OR4D2: variants seen among roughly 807,000 people sequenced by gnomAD.
OR4D2 encodes olfactory receptor 4D2.
OR4D2 carries 9 observed loss-of-function variants against 12.4 expected under a neutral mutation model. That is an observed-to-expected ratio of 0.73 (90% CI 0.44 to 1.27). The LOEUF (loss-of-function observed/expected upper bound fraction) is 1.27, where lower values mean the gene tolerates loss of function less well. OR4D2 is among the 50% of genes most tolerant of loss of function. OR4D2 has a pLI of 0.00. For missense variants in OR4D2, 373 were observed against 381.6 expected (o/e 0.98, Z 0.19); for synonymous variants, 151 against 151.1 (o/e 1.00, Z 0.01).
intron 1 of OR4D2, 120 bp from the exon 2 acceptor site, chr17:58,169,518 T>C (rs1967931414): frequency 7.1e-6 from 5 of 706,882 alleles, no homozygotes; most frequent in Middle Eastern, 8.1e-4. Flanking sequence ...GCACCTAGTA[T>C]AATGGTCTAC....
In OR4D2 at chr17:58,169,900, T is replaced by A. The variant is rs1967938753; in HGVS notation, c.245T>A (p.Leu82Gln). The A allele has an allele frequency of 6.2e-7, 1 of 1,614,162 alleles. No homozygotes were observed. ...CFSSVTAPKM[L>Q]VDLLSEKKTI... is the part of the protein sequence containing the mutation. ...TCTTCAGTCACTGCTCCCAAAATGC[T>A]AGTGGACCTCCTCTCTGAGAAGAAA... The change falls in exon 2 of 2, where the codon CTA becomes CAA. Residue 82 changes from leucine (L) to glutamine (Q), a missense_variant. Coordinates refer to ENST00000545221, the MANE Select transcript of OR4D2 (RefSeq NM_001004707.4).
intron 1 of OR4D2, among the ~76,000 whole-genome samples, chr17:58,168,020 A>AAAG (rs1249868565): frequency 6.7e-6 from 1 of 148,410 alleles, no homozygotes; most frequent in Non-Finnish European, 1.5e-5. Context: ...AAAAAAAAAA[A>AAAG]AAGAAGGTGT....
rs543116097 is a variant in OR4D2, at chr17:58,169,433, A to T, written c.-18-205A>T. 10 of 583,648 alleles carry T rather than the reference A, an allele frequency of 1.7e-5. 1 individual carries two copies. The South Asian group carries it at 2.1e-4, about 12-fold the overall frequency. The allele number at this position is 583,648 out of a possible 1,614,324, so 36.2% of individuals were successfully genotyped here. ...TGAATCTTTGAAAGGCAGGTTGTAT[A>T]TACTTCTGGATGGCGTTAAGATTTC... is the stretch of plus-strand genomic sequence containing the variant. On this transcript the variant is annotated intron_variant, in intron 1 of 1. Transcript: ENST00000545221.
Position 58,167,034 on chromosome 17 carries a change from C to T in OR4D2, c.-38C>T, listed in dbSNP as rs554904840. 1 of 152,356 alleles carries T rather than the reference C, an allele frequency of 6.6e-6. No individual in the cohort carries two copies. Among genetic ancestry groups the T allele is most frequent in the East Asian group, 1.9e-4 (1 of 5,184 alleles). The allele number at this position is 152,356 out of a possible 1,614,324, so 9.4% of individuals were successfully genotyped here. A position where few individuals can be genotyped will look rare whatever the true frequency, so the allele number is the denominator to read the frequency against. On this transcript the variant is annotated 5_prime_UTR_variant, in exon 1 of 2. Coordinates refer to ENST00000545221, the MANE Select transcript of OR4D2 (RefSeq NM_001004707.4). ...CTATGAGACTTAGAGGGAGGATGCTCACAGCAAAGGACATCAACGGTGAGG... is the reference window on the plus strand; with the variant it reads ...CTATGAGACTTAGAGGGAGGATGCTTACAGCAAAGGACATCAACGGTGAGG...
Position 58,170,410 on chromosome 17 carries a change from T to C in OR4D2, c.755T>C (p.Val252Ala). Residue 252 changes from valine (V) to alanine (A), a missense_variant, in exon 2 of 2, where the codon GTT becomes GCT. Transcript: ENST00000545221. The stretch of plus-strand genomic sequence containing the variant: ...ATCATCGTGGTTTCCATGATCTTCG[T>C]TCCAAGCATTTACCTCTATGCCCGG... ...THIIVVSMIF[V>A]PSIYLYARPF... The C allele has an allele frequency of 6.2e-7, 1 of 1,614,180 alleles. No individual in the cohort carries two copies. The highest frequency in any genetic ancestry group is 8.5e-7 in the Non-Finnish European group (1 of 1,180,024).
chr17:58,168,565 A>T (rs1189174608), intron 1 of OR4D2, among the ~76,000 whole-genome samples: 3 of 151,400 alleles, frequency 2.0e-5, no homozygotes, highest in African/African-American at 7.3e-5. Flanking sequence ...GCACTTTTCC[A>T]CTTCCTTTAC....
In OR4D2 at chr17:58,170,763, T is replaced by C; in HGVS notation, c.*184T>C. The C allele has an allele frequency of 1.6e-6, 1 of 607,636 alleles. No homozygotes were observed. The highest frequency in any genetic ancestry group is 2.9e-6 in the Non-Finnish European group (1 of 341,840). The allele number at this position is 607,636 out of a possible 1,614,324, so 37.6% of individuals were successfully genotyped here. ...TATCCTCTTTGGTGGTTAAGGTTTGTGATAAAGAGTTTTAACACACTCGCA... is the reference window on the plus strand; with the variant it reads ...TATCCTCTTTGGTGGTTAAGGTTTGCGATAAAGAGTTTTAACACACTCGCA... On this transcript the variant is annotated 3_prime_UTR_variant, in exon 2 of 2. Coordinates refer to ENST00000545221, the MANE Select transcript of OR4D2 (RefSeq NM_001004707.4).
In OR4D2 at chr17:58,170,431, C is replaced by T. The variant is rs890293754; in HGVS notation, c.776C>T (p.Ala259Val). The stretch of plus-strand genomic sequence containing the variant: ...TTCGTTCCAAGCATTTACCTCTATG[C>T]CCGGCCCTTCACTCCATTCCCTATG... ...MIFVPSIYLY[A>V]RPFTPFPMDK... The change falls in exon 2 of 2, where the codon GCC (alanine) becomes GTC (valine). Residue 259 changes from alanine to valine, a missense_variant. Physicochemically the swap from Ala to Val is moderately conservative, Grantham distance 64. Coordinates refer to ENST00000545221, the MANE Select transcript of OR4D2 (RefSeq NM_001004707.4). The T allele has an allele frequency of 4.3e-6, 7 of 1,614,098 alleles. No homozygotes were observed. Among genetic ancestry groups the T allele is most frequent in the Non-Finnish European group, 4.2e-6 (5 of 1,180,042 alleles).
At chr17:58,169,612 C>T in intron 1 of OR4D2, 26 bp from the exon 2 acceptor site, 1 of 1,494,582 alleles carries the variant, frequency 6.7e-7, no homozygotes, top group African/African-American at 1.4e-5. Flanking sequence ...CTTCATGTAT[C>T]TGTGTCTGTG....
rs542726494 is a variant in OR4D2 at position 58,169,968 on chromosome 17, C to T, written c.313C>T (p.His105Tyr). The change falls in exon 2 of 2, where the codon CAC (histidine) becomes TAC (tyrosine). Residue 105 changes from histidine to tyrosine, a missense_variant. His to Tyr is a moderately conservative substitution (Grantham distance 83). Coordinates refer to ENST00000545221, the MANE Select transcript of OR4D2 (RefSeq NM_001004707.4). ...CTGCATGGGTCAGATCTTCTTCTTC[C>T]ACTTTTTGGGAGGTGCCATGGTCTT... is the stretch of plus-strand genomic sequence containing the variant. ...QGCMGQIFFF[H>Y]FLGGAMVFFL... 6.2e-7 allele frequency: 1 copy of T among 1,614,074 alleles called. No individual in the cohort carries two copies. Among genetic ancestry groups the T allele is most frequent in the East Asian group, 2.2e-5 (1 of 44,878 alleles).
chr17:58,169,572 G>GC, intron 1 of OR4D2, 66 bp from the exon 2 acceptor site: 1 of 1,103,194 alleles, frequency 9.1e-7, no homozygotes, highest in South Asian at 1.3e-5. Flanking sequence ...TTGGTTCTGA[G>GC]CCCCTGAGCC....
Position 58,170,264 on chromosome 17 carries a change from T to G in OR4D2, c.609T>G (p.Ser203Arg). 6.2e-7 allele frequency: 1 copy of G among 1,614,122 alleles called. No individual in the cohort carries two copies. Among genetic ancestry groups the G allele is most frequent in the South Asian group, 1.1e-5 (1 of 91,080 alleles). ...TGGAGTTCCTCAAGATCTCCAACAG[T>G]GGGCTGCTGGATGTCGTCTGGTTCT... ...SLLEFLKISN[S>R]GLLDVVWFFL... The change falls in exon 2 of 2, where the codon AGT becomes AGG. Residue 203 changes from serine (S) to arginine (R), a missense_variant. Physicochemically the swap from Ser to Arg is moderately radical, Grantham distance 110. Transcript: ENST00000545221.
At position 58,170,157 on chromosome 17, in the gene OR4D2, T is replaced by G. The variant is rs1967945016; in HGVS notation, c.502T>G (p.Phe168Val). 1 of 1,614,174 alleles carries G rather than the reference T, an allele frequency of 6.2e-7. No individual in the cohort carries two copies. The highest frequency in any genetic ancestry group is 8.5e-7 in the Non-Finnish European group (1 of 1,180,026). Residue 168 changes from phenylalanine to valine, a missense_variant, in exon 2 of 2, where the codon TTC becomes GTC. Transcript: ENST00000545221. ...GCTGGCTCTGATGCTCCCACTGCCC[T>G]TCTGTGGCCCCAACATTTTGGATAA... Reference protein sequence around the residue: ...VQLALMLPLPFCGPNILDNFY... With the variant: ...VQLALMLPLPVCGPNILDNFY...
chr17:58,170,177 G>A lies in OR4D2; in HGVS notation c.522G>A (p.Leu174=). The A allele has an allele frequency of 6.2e-7, 1 of 1,614,144 alleles. No homozygotes were observed. The highest frequency in any genetic ancestry group is 8.5e-7 in the Non-Finnish European group (1 of 1,180,038). The part of the protein sequence containing the change: ...LPLPFCGPNI[L]DNFYCDVPQV... ...TGCCCTTCTGTGGCCCCAACATTTT[G>A]GATAACTTCTACTGTGATGTTCCCC... Residue 174 remains leucine, a synonymous_variant, in exon 2 of 2, where the codon TTG becomes TTA. Transcript: ENST00000545221.
At position 58,169,806 on chromosome 17, in the gene OR4D2, T is replaced by A. The variant is rs538951916; in HGVS notation, c.151T>A (p.Ser51Thr). The change falls in exon 2 of 2, where the codon TCT (serine) becomes ACT (threonine). Residue 51 changes from serine (S) to threonine (T), a missense_variant. Ser to Thr is a moderately conservative substitution (Grantham distance 58). Coordinates refer to ENST00000545221, the MANE Select transcript of OR4D2 (RefSeq NM_001004707.4). ...CATCCTTATCATCATCACAGTGACC[T>A]CTGATTCCCAGCTCCACACACCCAT... ...GNILIIITVT[S>T]DSQLHTPMYF... 6.2e-7 allele frequency: 1 copy of A among 1,614,156 alleles called. No individual in the cohort carries two copies. The highest frequency in any genetic ancestry group is 1.1e-5 in the South Asian group (1 of 91,068).
At position 58,170,467 on chromosome 17, in the gene OR4D2, T is replaced by C; in HGVS notation, c.812T>C (p.Val271Ala). 2 of 1,614,144 alleles carry C rather than the reference T, an allele frequency of 1.2e-6. No individual in the cohort carries two copies. The highest frequency in any genetic ancestry group is 1.7e-5 in the Admixed American group (1 of 60,026). The change falls in exon 2 of 2, where the codon GTG becomes GCG. Residue 271 changes from valine to alanine, a missense_variant. Val to Ala is a moderately conservative substitution (Grantham distance 64, BLOSUM62 0). Coordinates refer to ENST00000545221, the MANE Select transcript of OR4D2 (RefSeq NM_001004707.4). The part of the protein sequence containing the change: ...PFTPFPMDKL[V>A]SIGHTVMTPM... ...ACTCCATTCCCTATGGACAAGCTTG[T>C]GTCCATCGGCCACACAGTCATGACC...
rs1238758804 is a variant in OR4D2, at chr17:58,170,203, A to C, written c.548A>C (p.Gln183Pro). Residue 183 changes from glutamine to proline, a missense_variant, in exon 2 of 2, where the codon CAA becomes CCA. Physicochemically the swap from Gln to Pro is moderately conservative, Grantham distance 76 (BLOSUM62 -1). Transcript: ENST00000545221. ...GATAACTTCTACTGTGATGTTCCCCAAGTACTGAGACTTGCCTGCACTGAC... is the reference window on the plus strand; with the variant it reads ...GATAACTTCTACTGTGATGTTCCCCCAGTACTGAGACTTGCCTGCACTGAC... The part of the protein sequence containing the change: ...ILDNFYCDVP[Q>P]VLRLACTDTS... The C allele has an allele frequency of 6.8e-6, 11 of 1,614,008 alleles. No individual in the cohort carries two copies. The highest frequency in any genetic ancestry group is 1.7e-5 in the Admixed American group (1 of 60,000).
rs1250448363 is a variant in OR4D2 at position 58,170,566 on chromosome 17, AC to A, written c.913del (p.Arg305GlyfsTer20). 1 of 1,613,978 alleles carries A rather than the reference AC, an allele frequency of 6.2e-7. No homozygotes were observed. The highest frequency in any genetic ancestry group is 1.6e-4 in the Middle Eastern group (1 of 6,062). On this transcript the variant is annotated frameshift_variant, in exon 2 of 2. Coordinates refer to ENST00000545221, the MANE Select transcript of OR4D2 (RefSeq NM_001004707.4). LOFTEE classifies it high-confidence loss of function. The part of the protein sequence containing the change: ...MQAAVRRLGR[H>X]RLV ...GCAGCAGTGAGAAGATTAGGGAGACACCGGCTGGTTTGAGAGTGACAATGGT... is the reference window on the plus strand; with the variant it reads ...GCAGCAGTGAGAAGATTAGGGAGACACGGCTGGTTTGAGAGTGACAATGGT...
At chr17:58,167,828 A>G (rs1349444782) in intron 1 of OR4D2, among the ~76,000 whole-genome samples, 1 of 151,628 alleles carries the variant, frequency 6.6e-6, no homozygotes, top group Non-Finnish European at 1.5e-5. Context: ...TCCTGCTAAC[A>G]CAGTGAAACC....
Sources: gnomAD v4.1 joint callset for allele counts (sites outside exome capture counted in the v4.1 genomes callset) on GRCh38, gnomAD v4.1.1 for gene constraint, MANE v1.5 for transcripts, NCBI Gene and HGNC (gene_info 2026-07-23, HGNC 2026-07-21) for gene names.